The following IKZF1 variants were observed in gnomAD, a reference collection of about 807,000 sequenced individuals.
IKZF1 encodes the protein DNA-binding protein Ikaros.
Under a neutral mutation model 51.7 loss-of-function variants are expected in IKZF1, and 10 were observed. That is an observed-to-expected ratio of 0.19 (90% CI 0.12 to 0.33). The LOEUF (loss-of-function observed/expected upper bound fraction) is 0.33. Among genes scored for constraint, IKZF1 ranks in the 10% least tolerant of loss-of-function variants. IKZF1 has a pLI of 1.00. For missense variants in IKZF1, 484 were observed against 707.5 expected, an observed-to-expected ratio of 0.68 and a Z score of 3.58; for synonymous variants, 280 against 282.3, an observed-to-expected ratio of 0.99 and a Z score of 0.08.
intron 3 of IKZF1, chr7:50,328,294 G>T (rs1795600474): frequency 6.6e-6 from 1 of 152,312 alleles, no homozygotes; most frequent in Non-Finnish European, 1.5e-5. Flanking sequence ...AAAAAAGTGT[G>T]TGTGAAACCA....
intron 3 of IKZF1, among the ~76,000 whole-genome samples, chr7:50,357,570 G>A (rs1391634225): frequency 6.6e-6 from 1 of 152,170 alleles, no homozygotes; most frequent in Non-Finnish European, 1.5e-5. Context: ...GAGTTTCGGT[G>A]CATCTTCCTC....
intron 3 of IKZF1, among the ~76,000 whole-genome samples, chr7:50,335,224 G>T (rs1797376894): frequency 6.6e-6 from 1 of 150,658 alleles, no homozygotes; most frequent in Non-Finnish European, 1.5e-5. Flanking sequence ...TGTATGGTGT[G>T]TATGTGTGTG....
intron 3 of IKZF1, among the ~76,000 whole-genome samples, chr7:50,354,423 C>T (rs1802691591): frequency 6.6e-6 from 1 of 152,184 alleles, no homozygotes; most frequent in African/African-American, 2.4e-5. Flanking sequence ...GCCTCCCAGG[C>T]ACAGGGCAGA....
At chr7:50,333,084 G>GAA (rs1287359926) in intron 3 of IKZF1, among the ~76,000 whole-genome samples, 17 of 143,206 alleles carry the variant, frequency 1.2e-4, no homozygotes, top group African/African-American at 3.3e-4. Context: ...TAGCCTAATT[G>GAA]AAAAAAAAAA....
intron 7 of IKZF1, chr7:50,393,982 GA>G (rs2153506300): frequency 4.3e-6 from 1 of 232,652 alleles, no homozygotes; most frequent in Admixed American, 5.6e-5. Context: ...GAAACCAAAG[GA>G]GAGATTCATC....
At chr7:50,309,373 C>G (rs1789608664) in intron 1 of IKZF1, among the ~76,000 whole-genome samples, 1 of 152,126 alleles carries the variant, frequency 6.6e-6, no homozygotes, top group South Asian at 2.1e-4. Flanking sequence ...TCTTGTCTGT[C>G]TGGTCTTCCT....
intron 1 of IKZF1, 68 bp from the exon 2 acceptor site, chr7:50,318,980 C>T: frequency 1.0e-6 from 1 of 968,930 alleles, no homozygotes. Context: ...GGTTCTTTAT[C>T]TCTCTCTCTT....
At chr7:50,354,629 C>A (rs1802760522) in intron 3 of IKZF1, among the ~76,000 whole-genome samples, 3 of 152,096 alleles carry the variant, frequency 2.0e-5, no homozygotes, top group Admixed American at 2.0e-4. Flanking sequence ...AATACTCTTG[C>A]CAAAAAGAGA....
In IKZF1 at chr7:50,353,283, A is replaced by G. The variant is rs570552619; in HGVS notation, c.161-23250A>G. On this transcript the variant is annotated intron_variant, in intron 3 of 7. Transcript: ENST00000331340. Reference sequence around the variant, plus strand: ...TGCATTTAGAGAGAGAGAGCAAGCAAGCTGCCTTTCCTCTTCCTCAGTTCT... The same window carrying G: ...TGCATTTAGAGAGAGAGAGCAAGCAGGCTGCCTTTCCTCTTCCTCAGTTCT... Among the ~76,000 whole-genome samples, 23 of 152,334 alleles carry G rather than the reference A, an allele frequency of 1.5e-4. No homozygotes were observed. In the South Asian group the frequency reaches 1.9e-3, roughly 12 times the overall value.
intron 7 of IKZF1, 94 bp downstream of exon 7, chr7:50,391,957 A>C (rs926354477): frequency 5.2e-5 from 74 of 1,429,652 alleles, no homozygotes; most frequent in Non-Finnish European, 6.1e-5. Context: ...AAAGGGAAAA[A>C]AATCTTATTT....
In IKZF1 at chr7:50,402,331, C is replaced by T. The variant is rs557580825; in HGVS notation, c.*1704C>T. 8.7e-6 allele frequency: 2 copies of T among 230,648 alleles called. No individual in the cohort carries two copies. Among genetic ancestry groups the T allele is most frequent in the African/African-American group, 4.4e-5 (2 of 45,186 alleles). The allele number at this position is 230,648 out of a possible 1,614,324, so 14.3% of individuals were successfully genotyped here. ...GGGGTTCTTAGTCTCAGCACTATGACATTTTGGGCTGACTACTTATTTGTT... is the reference window on the plus strand; with the variant it reads ...GGGGTTCTTAGTCTCAGCACTATGATATTTTGGGCTGACTACTTATTTGTT... On this transcript the variant is annotated 3_prime_UTR_variant, in exon 8 of 8. Transcript: ENST00000331340.
At position 50,384,427 on chromosome 7, in the gene IKZF1, A is replaced by T. The variant is rs79689529; in HGVS notation, c.589+1720A>T. Among the ~76,000 whole-genome samples, 533 of 152,348 alleles carry T rather than the reference A, an allele frequency of 3.5e-3. 4 individuals are homozygous for T. Among genetic ancestry groups the T allele is most frequent in the African/African-American group, 0.012 (502 of 41,576 alleles). ...ATTTGGGTGATTTGACTTCCTAAAA[A>T]CTTCCAAGAAAGGAGCTATACCAAG... is the stretch of plus-strand genomic sequence containing the variant. On this transcript the variant is annotated intron_variant, in intron 5 of 7. Coordinates refer to ENST00000331340, the MANE Select transcript of IKZF1 (RefSeq NM_006060.6).
rs746988124 is a variant in IKZF1, at chr7:50,400,657, G to A, written c.*30G>A. 6.7e-7 allele frequency: 1 copy of A among 1,491,214 alleles called. No individual in the cohort carries two copies. Among genetic ancestry groups the A allele is most frequent in the South Asian group, 1.2e-5 (1 of 86,316 alleles). The allele number at this position is 1,491,214 out of a possible 1,614,324, so 92.4% of individuals were successfully genotyped here. On this transcript the variant is annotated 3_prime_UTR_variant, in exon 8 of 8. Coordinates refer to ENST00000331340, the MANE Select transcript of IKZF1 (RefSeq NM_006060.6). The surrounding 1 kb of genome is among the most constrained non-coding windows in gnomAD (Gnocchi z 5.4). ...CTCCCGCGCCCCCACCCCAGACCCC[G>A]AGCCACCCCAGGAAAAGCACAAGGA...
At chr7:50,388,802 G>GT (rs1369178698) in intron 6 of IKZF1, among the ~76,000 whole-genome samples, 1 of 152,130 alleles carries the variant, frequency 6.6e-6, no homozygotes, top group African/African-American at 2.4e-5. Context: ...TTCAAATATT[G>GT]TTTTTTTCTG....
chr7:50,340,459 A>G (rs1207845057), intron 3 of IKZF1, among the ~76,000 whole-genome samples: 1 of 152,252 alleles, frequency 6.6e-6, no homozygotes, highest in Non-Finnish European at 1.5e-5. Context: ...GAAGGCCTTC[A>G]GCATGGCCCC....
chr7:50,349,946 A>G lies in IKZF1; in HGVS notation c.160+22189A>G, dbSNP rs189055835. Among the ~76,000 whole-genome samples the G allele has an allele frequency of 1.3e-3, 191 of 152,328 alleles. 1 individual carries two copies. Among genetic ancestry groups the G allele is most frequent in the Admixed American group, 4.2e-3 (64 of 15,302 alleles). ...AAGACAGTGTCTTACTCACTTTATA[A>G]ATTCATTCAGAAAGCCGTAGGTTTG... On this transcript the variant is annotated intron_variant, in intron 3 of 7. Transcript: ENST00000331340.
At chr7:50,380,851 C>A (rs1811637010) in intron 4 of IKZF1, among the ~76,000 whole-genome samples, 1 of 152,232 alleles carries the variant, frequency 6.6e-6, no homozygotes, top group Non-Finnish European at 1.5e-5. Context: ...TGGCTGCTAG[C>A]TGTTTTAGCC....
intron 3 of IKZF1, among the ~76,000 whole-genome samples, chr7:50,346,329 C>T (rs1465265288): frequency 6.6e-6 from 1 of 152,204 alleles, no homozygotes; most frequent in South Asian, 2.1e-4. Flanking sequence ...AGCCCACTTA[C>T]GGAAGCACTG....
intron 2 of IKZF1, among the ~76,000 whole-genome samples, chr7:50,324,442 T>A (rs1312037844): frequency 6.6e-6 from 1 of 152,224 alleles, no homozygotes; most frequent in Non-Finnish European, 1.5e-5. Flanking sequence ...CTTTACTAGA[T>A]GCCCCTGTAC....
Sources: allele counts gnomAD v4.1 joint callset (sites outside exome capture counted in the v4.1 genomes callset), GRCh38; gene constraint gnomAD v4.1.1; non-coding constraint Gnocchi (gnomAD v3.1); transcripts MANE v1.5; gene names NCBI Gene and HGNC (gene_info 2026-07-23, HGNC 2026-07-21).